CHD9: variants seen among roughly 807,000 people sequenced by gnomAD.
CHD9 encodes ATP-dependent chromatin remodeler CHD9.
A neutral mutation model predicts 316.1 loss-of-function variants in CHD9; 77 were observed. That is an observed-to-expected ratio of 0.24 (90% confidence interval 0.20 to 0.29). The LOEUF is 0.29. Ranked by LOEUF, CHD9 falls within the 10% of genes least tolerant of loss-of-function variation. CHD9 has a pLI of 1.00. For synonymous variants in CHD9, 1,129 were observed against 1,158.3 expected (o/e 0.97, Z 0.51); for missense variants, 2,763 against 3,438.1 (o/e 0.80, Z 4.91).
In CHD9 at chr16:53,170,100, A is replaced by G. The variant is rs1012868980; in HGVS notation, c.1452+12559A>G. Among the ~76,000 whole-genome samples, 4 of 147,088 alleles carry G rather than the reference A, an allele frequency of 2.7e-5. No homozygotes were observed. The East Asian group carries it at 7.9e-4, about 29-fold the overall frequency. On this transcript the variant is annotated intron_variant, in intron 2 of 38. Coordinates refer to ENST00000447540, the MANE Select transcript of CHD9 (RefSeq NM_001308319.2). The stretch of plus-strand genomic sequence containing the variant: ...TGAGAATGCTGTATATATGATAGCT[A>G]TTGGATCACATTAAGACACATGATA...
intron 10 of CHD9, 44 bp from the exon 11 acceptor site, chr16:53,235,141 T>C (rs1236564898): frequency 4.0e-6 from 6 of 1,518,636 alleles, no homozygotes; most frequent in Non-Finnish European, 4.5e-6. Flanking sequence ...CAGTATGATA[T>C]ATGGAAGATT....
intron 2 of CHD9, among the ~76,000 whole-genome samples, chr16:53,180,249 C>T (rs2043398756): frequency 6.6e-6 from 1 of 151,990 alleles, no homozygotes. Context: ...TCAGGTGATC[C>T]ACCTTCCTCG....
intron 1 of CHD9, among the ~76,000 whole-genome samples, chr16:53,143,250 C>CA (rs78395639): frequency 1.3e-5 from 2 of 152,166 alleles, no homozygotes; most frequent in East Asian, 3.9e-4. Flanking sequence ...ATACATAGAA[C>CA]AGAGTTACAG....
At chr16:53,112,633 A>G (rs1464059516) in intron 1 of CHD9, among the ~76,000 whole-genome samples, 1 of 152,068 alleles carries the variant, frequency 6.6e-6, no homozygotes, top group African/African-American at 2.4e-5. Flanking sequence ...TTTTTTCCTT[A>G]AAGTTCACTA....
chr16:53,136,999 G>C (rs2039764829), intron 1 of CHD9, among the ~76,000 whole-genome samples: 1 of 151,204 alleles, frequency 6.6e-6, no homozygotes, highest in Non-Finnish European at 1.5e-5. Flanking sequence ...TTTTGAGACA[G>C]AGTCTTGCTC....
chr16:53,296,934 T>C, intron 29 of CHD9, 22 bp from the exon 30 acceptor site: 1 of 1,572,352 alleles, frequency 6.4e-7, no homozygotes, highest in South Asian at 1.1e-5. Context: ...GTGGTTTTTT[T>C]CTTTAATCTG....
intron 10 of CHD9, among the ~76,000 whole-genome samples, chr16:53,232,147 AG>A (rs1464623642): frequency 1.3e-5 from 2 of 152,164 alleles, no homozygotes; most frequent in East Asian, 3.8e-4. Flanking sequence ...TAATGTCCGT[AG>A]GCTGTTAACA....
chr16:53,293,673 G>A (rs1248232988), intron 29 of CHD9, among the ~76,000 whole-genome samples: 3 of 151,988 alleles, frequency 2.0e-5, no homozygotes, highest in East Asian at 3.9e-4. Flanking sequence ...ATCACTGGCC[G>A]GGCGCCATGG....
chr16:53,101,491 C>T (rs1426747388), intron 1 of CHD9, among the ~76,000 whole-genome samples: 1 of 151,932 alleles, frequency 6.6e-6, no homozygotes, highest in East Asian at 1.9e-4. Context: ...CCCAGGCCGA[C>T]AATTTTTTAA....
chr16:53,079,222 T>C (rs1300836204), intron 1 of CHD9, among the ~76,000 whole-genome samples: 1 of 152,238 alleles, frequency 6.6e-6, no homozygotes, highest in African/African-American at 2.4e-5. Context: ...CATTGGCTGT[T>C]CATGCCATTG....
chr16:53,247,921 T>G (rs1304778892), intron 16 of CHD9: 1 of 154,180 alleles, frequency 6.5e-6, no homozygotes, highest in Non-Finnish European at 1.4e-5. Context: ...CTTTTATTCT[T>G]ATTATATACT....
chr16:53,307,416 C>G (rs923419791), intron 32 of CHD9, among the ~76,000 whole-genome samples: 1 of 152,076 alleles, frequency 6.6e-6, no homozygotes, highest in Non-Finnish European at 1.5e-5. Context: ...CTCCTACCAC[C>G]TTGGCCTCCC....
rs1174836470 is a variant in CHD9, at chr16:53,288,021, A to G, written c.5247+7A>G. On this transcript the variant is annotated splice_region_variant and intron_variant, in intron 27 of 38. Transcript: ENST00000447540. Reference sequence around the variant, plus strand: ...CTTTAAAGATGATATAGAGGTATGCATTGGATCATATTTTTAAATCCTCAA... The same window carrying G: ...CTTTAAAGATGATATAGAGGTATGCGTTGGATCATATTTTTAAATCCTCAA... 6.3e-7 allele frequency: 1 copy of G among 1,594,296 alleles called. No homozygotes were observed.
intron 2 of CHD9, among the ~76,000 whole-genome samples, chr16:53,163,448 G>A (rs1309761508): frequency 6.6e-6 from 1 of 152,112 alleles, no homozygotes; most frequent in Non-Finnish European, 1.5e-5. Flanking sequence ...GACCTCAGGT[G>A]ATCTGCCTGC....
chr16:53,295,369 C>T (rs758508845), intron 29 of CHD9, among the ~76,000 whole-genome samples: 5 of 152,280 alleles, frequency 3.3e-5, no homozygotes, highest in South Asian at 2.1e-4. Context: ...TCAAGTGGTC[C>T]GTCTGCCTCA....
intron 4 of CHD9, among the ~76,000 whole-genome samples, chr16:53,223,753 T>G (rs1192014421): frequency 6.6e-6 from 1 of 152,196 alleles, no homozygotes; most frequent in Non-Finnish European, 1.5e-5. Context: ...ACAGGTGTGT[T>G]GCTTTAACAC....
At chr16:53,130,660 C>T (rs2039195591) in intron 1 of CHD9, among the ~76,000 whole-genome samples, 1 of 151,472 alleles carries the variant, frequency 6.6e-6, no homozygotes, top group Non-Finnish European at 1.5e-5. Context: ...ACCGCGCCAG[C>T]GATTGGGTCG....
At chr16:53,170,586 T>C (rs1031907112) in intron 2 of CHD9, among the ~76,000 whole-genome samples, 1 of 141,150 alleles carries the variant, frequency 7.1e-6, no homozygotes, top group African/African-American at 2.7e-5. Context: ...TTCGTGTGTG[T>C]GTGTGTGTGT....
chr16:53,166,614 ATACT>A (rs2152768411), intron 2 of CHD9, among the ~76,000 whole-genome samples: 1 of 152,280 alleles, frequency 6.6e-6, no homozygotes, highest in African/African-American at 2.4e-5. Context: ...CTGTTTTGAA[ATACT>A]TAAGTATGAA....
Sources: gnomAD v4.1 joint callset for allele counts (sites outside exome capture counted in the v4.1 genomes callset) on GRCh38, gnomAD v4.1.1 for gene constraint, MANE v1.5 for transcripts, NCBI Gene and HGNC (gene_info 2026-07-23, HGNC 2026-07-21) for gene names.